The following CHUK variants were observed in gnomAD, a reference collection of about 807,000 sequenced individuals.
CHUK encodes the protein component of inhibitor of nuclear factor kappa B kinase complex.
CHUK carries 35 observed loss-of-function variants against 104.8 expected under a neutral mutation model. That is an observed-to-expected ratio of 0.33 (90% CI 0.26 to 0.44). CHUK has a LOEUF of 0.44. CHUK is among the 20% of genes least tolerant of loss of function. The probability of loss-of-function intolerance (pLI) is 1.00; values close to 1 mark genes in which losing one functional copy is unlikely to be tolerated. For synonymous variants in CHUK, 276 were observed against 291.9 expected (o/e 0.95, Z 0.56); for missense variants, 663 against 902.7 (o/e 0.73, Z 3.40).
intron 10 of CHUK, among the ~76,000 whole-genome samples, chr10:100,209,205 T>A (rs1845663597): frequency 6.6e-6 from 1 of 152,310 alleles, no homozygotes; most frequent in South Asian, 2.1e-4. Context: ...ATAAATAAAC[T>A]ACGGAAAAAC....
chr10:100,188,662 A>C lies in CHUK; in HGVS notation c.*936T>G, dbSNP rs1049958321. 6 of 152,322 alleles carry C rather than the reference A, an allele frequency of 3.9e-5. No individual in the cohort carries two copies. The highest frequency in any genetic ancestry group is 1.4e-4 in the African/African-American group (6 of 41,458). 9.4% of individuals were successfully genotyped at this position (152,322 alleles called of 1,614,324 possible). A position where few individuals can be genotyped will look rare whatever the true frequency, so the allele number is the denominator to read the frequency against. On this transcript the variant is annotated 3_prime_UTR_variant, in exon 21 of 21. Coordinates refer to ENST00000370397, the MANE Select transcript of CHUK (RefSeq NM_001278.5). ...AAGGAATATTCACACTAAATGGGAT[A>C]AAAAGATTCAAGGTCAGTTCAGATT...
chr10:100,188,881 AAATT>A lies in CHUK; in HGVS notation c.*713_*716del, dbSNP rs1419835939. 6.6e-6 allele frequency: 1 copy of A among 152,268 alleles called. No homozygotes were observed. Among genetic ancestry groups the A allele is most frequent in the African/African-American group, 2.4e-5 (1 of 41,472 alleles). 9.4% of individuals were successfully genotyped at this position (152,268 alleles called of 1,614,324 possible). ...AACATGTAATTTTCAAATACATTAT[AAATT>A]AACAGGCATCTTCTCTTTGATATTA... On this transcript the variant is annotated 3_prime_UTR_variant, in exon 21 of 21. Coordinates refer to ENST00000370397, the MANE Select transcript of CHUK (RefSeq NM_001278.5).
intron 1 of CHUK, among the ~76,000 whole-genome samples, 193 bp from the exon 2 acceptor site, chr10:100,226,210 C>T (rs1846102436): frequency 6.6e-6 from 1 of 152,088 alleles, no homozygotes; most frequent in African/African-American, 2.4e-5. Context: ...TTAAAACTGA[C>T]CTTCAAACAC....
At chr10:100,203,335 A>G (rs1371930300) in intron 13 of CHUK, among the ~76,000 whole-genome samples, 2 of 152,250 alleles carry the variant, frequency 1.3e-5, no homozygotes, top group East Asian at 3.9e-4. Context: ...CAATTGTATA[A>G]TAAGCCTTTG....
intron 9 of CHUK, among the ~76,000 whole-genome samples, chr10:100,210,149 G>A (rs1284546676): frequency 1.4e-5 from 2 of 147,866 alleles, no homozygotes; most frequent in Non-Finnish European, 3.0e-5. Context: ...GTGCAGTGGC[G>A]GGATCTCGGC....
At chr10:100,207,795 A>C (rs572872972) in intron 10 of CHUK, among the ~76,000 whole-genome samples, 1 of 152,170 alleles carries the variant, frequency 6.6e-6, no homozygotes, top group South Asian at 2.1e-4. Context: ...CAGTTAATGG[A>C]CTGTTAATGG....
At chr10:100,187,888 T>C (rs760123035), downstream of CHUK, 4 of 152,272 alleles carry the variant, frequency 2.6e-5, no homozygotes, top group Non-Finnish European at 5.9e-5. Flanking sequence ...GACTCCCAGA[T>C]AAGCACTTTT....
At chr10:100,228,986 C>A (rs1455238657) in intron 1 of CHUK, among the ~76,000 whole-genome samples, 1 of 97,218 alleles carries the variant, frequency 1.0e-5, no homozygotes, top group African/African-American at 3.3e-5. Context: ...AGCGCGCGCG[C>A]GCGCGCGCAC....
intron 16 of CHUK, chr10:100,195,684 C>CA (rs769871540): frequency 2.4e-4 from 36 of 152,312 alleles, no homozygotes; most frequent in Non-Finnish European, 4.6e-4. Context: ...ACAAGAGATT[C>CA]AAGTCAACTC....
chr10:100,196,767 A>C (rs1471486752), intron 16 of CHUK, among the ~76,000 whole-genome samples: 1 of 151,922 alleles, frequency 6.6e-6, no homozygotes, highest in Non-Finnish European at 1.5e-5. Flanking sequence ...AGTCTTTAGC[A>C]CTCTATTCAA....
chr10:100,209,797 A>C lies in CHUK; in HGVS notation c.934-8T>G. 1 of 1,218,136 alleles carries C rather than the reference A, an allele frequency of 8.2e-7. No homozygotes were observed. The allele number at this position is 1,218,136 out of a possible 1,614,324, so 75.5% of individuals were successfully genotyped here. On this transcript the variant is annotated splice_region_variant and splice_polypyrimidine_tract_variant and intron_variant, in intron 9 of 20. Transcript: ENST00000370397. ...ATTTAGGATGTGTACTATCTGTATAAATAAGAAAAAAAGGTAAAGTTATTG... is the reference window on the plus strand; with the variant it reads ...ATTTAGGATGTGTACTATCTGTATACATAAGAAAAAAAGGTAAAGTTATTG...
intron 2 of CHUK, 48 bp downstream of exon 2, chr10:100,225,875 T>C: frequency 2.9e-6 from 3 of 1,040,168 alleles, no homozygotes; most frequent in African/African-American, 1.6e-5. Context: ...TGATGACATC[T>C]GGTTGGGCTG....
At chr10:100,209,845 C>A (rs1305015703) in intron 9 of CHUK, 56 bp from the exon 10 acceptor site, 2 of 792,736 alleles carry the variant, frequency 2.5e-6, no homozygotes, top group Non-Finnish European at 4.3e-6. Flanking sequence ...ATAAAAGATT[C>A]GCTGCCAGAT....
downstream of CHUK, chr10:100,186,321 C>T (rs1176909451): frequency 3.0e-6 from 1 of 338,514 alleles, no homozygotes; most frequent in Non-Finnish European, 5.3e-6. Flanking sequence ...CACTCTCAAA[C>T]GGTAGCTGTT....
At chr10:100,199,284 A>G (rs936621383) in intron 16 of CHUK, among the ~76,000 whole-genome samples, 1 of 152,114 alleles carries the variant, frequency 6.6e-6, no homozygotes, top group Non-Finnish European at 1.5e-5. Context: ...TAACCATTCC[A>G]TACCTGAACC....
In CHUK at chr10:100,219,467, G is replaced by C; in HGVS notation, c.475-108C>G. The C allele has an allele frequency of 4.3e-6, 3 of 704,574 alleles. No homozygotes were observed. The Admixed American group carries it at 6.8e-5, about 16-fold the overall frequency. The allele number at this position is 704,574 out of a possible 1,614,324, so 43.6% of individuals were successfully genotyped here. ...GACAGGGTAGTGGTGAGGACCTTGGGCTCTGTAATAACACAAAAATATTTC... is the reference window on the plus strand; with the variant it reads ...GACAGGGTAGTGGTGAGGACCTTGGCCTCTGTAATAACACAAAAATATTTC... On this transcript the variant is annotated intron_variant, in intron 5 of 20. Transcript: ENST00000370397.
At chr10:100,221,962 C>T (rs975492303) in intron 4 of CHUK, 150 bp downstream of exon 4, 1 of 581,042 alleles carries the variant, frequency 1.7e-6, no homozygotes, top group African/African-American at 1.9e-5. Flanking sequence ...AATTTAGCAT[C>T]AATAGTAATA....
At chr10:100,228,993 G>GCGCACACA (rs764914118) in intron 1 of CHUK, among the ~76,000 whole-genome samples, 62 of 133,552 alleles carry the variant, frequency 4.6e-4, no homozygotes, top group South Asian at 7.4e-4. Flanking sequence ...GCGCGCGCGC[G>GCGCACACA]CACACACACA....
rs1845267817 is a variant in CHUK at position 100,194,080 on chromosome 10, T to C, written c.1878A>G (p.Glu626=). ...CTTCTTTGATATTACTGAGGGCCAC[T>C]TCCACCTTAGGGAGTAGATCAATAA... is the stretch of plus-strand genomic sequence containing the variant. The part of the protein sequence containing the change: ...QKIIDLLPKV[E]VALSNIKEAD... Residue 626 remains glutamate (E), a synonymous_variant, in exon 18 of 21, where the codon GAA becomes GAG. Transcript: ENST00000370397. 6.2e-7 allele frequency: 1 copy of C among 1,613,788 alleles called. No individual in the cohort carries two copies. Among genetic ancestry groups the C allele is most frequent in the Non-Finnish European group, 8.5e-7 (1 of 1,179,760 alleles).
Sources: gnomAD v4.1 joint callset for allele counts (sites outside exome capture counted in the v4.1 genomes callset) on GRCh38, gnomAD v4.1.1 for gene constraint, MANE v1.5 for transcripts, NCBI Gene and HGNC (gene_info 2026-07-23, HGNC 2026-07-21) for gene names.